The following NFIC variants were observed in gnomAD, a reference collection of about 807,000 sequenced individuals.
NFIC encodes nuclear factor 1 C-type.
Under a neutral mutation model 54.4 loss-of-function variants are expected in NFIC, and 12 were observed. That is an observed-to-expected ratio of 0.22 (90% confidence interval 0.14 to 0.36). NFIC has a LOEUF of 0.36. Among genes scored for constraint, NFIC ranks in the 10% least tolerant of loss-of-function variants. The probability of loss-of-function intolerance (pLI) is 1.00; values close to 1 mark genes in which losing one functional copy is unlikely to be tolerated. For synonymous variants in NFIC, 322 were observed against 319.2 expected (o/e 1.01, Z -0.09); for missense variants, 575 against 718.2 (o/e 0.80, Z 2.28).
chr19:3,444,752 A>T lies in NFIC; in HGVS notation c.959-4262A>T, dbSNP rs529396802. 3.9e-5 allele frequency among the ~76,000 whole-genome samples: 6 copies of T among 152,218 alleles called. No homozygotes were observed. The South Asian group carries it at 1.2e-3, about 32-fold the overall frequency. On this transcript the variant is annotated intron_variant, in intron 6 of 10. Transcript: ENST00000443272. ...TCCTAAATGAGCGTCTGACAACCCT[A>T]ACCTCGTTCCCGCCGTGGCCCTGCG...
chr19:3,422,886 G>A lies in NFIC; in HGVS notation c.563-2220G>A, dbSNP rs149434987. Among the ~76,000 whole-genome samples the A allele has an allele frequency of 9.9e-5, 15 of 151,784 alleles. No homozygotes were observed. The East Asian group carries it at 2.9e-3, about 30-fold the overall frequency. Reference sequence around the variant, plus strand: ...AGAACATTGCTCGTGGTTCTGACCCGCAGCTTTCCTTGTTTATGAAATGGA... The same window carrying A: ...AGAACATTGCTCGTGGTTCTGACCCACAGCTTTCCTTGTTTATGAAATGGA... On this transcript the variant is annotated intron_variant, in intron 2 of 10. Coordinates refer to ENST00000443272, the MANE Select transcript of NFIC (RefSeq NM_001245002.2).
In NFIC at chr19:3,431,943, T is replaced by C. The variant is rs117117143; in HGVS notation, c.635-1575T>C. Among the ~76,000 whole-genome samples, 10 of 152,340 alleles carry C rather than the reference T, an allele frequency of 6.6e-5. No individual in the cohort carries two copies. The East Asian group carries it at 1.9e-3, about 29-fold the overall frequency. ...GCTGCTAGGAACATTCGTGGACTTTTGCTGACCTATTAATCTTGGCTGCTG... is the reference window on the plus strand; with the variant it reads ...GCTGCTAGGAACATTCGTGGACTTTCGCTGACCTATTAATCTTGGCTGCTG... On this transcript the variant is annotated intron_variant, in intron 3 of 10. Transcript: ENST00000443272.
At chr19:3,430,894 T>C (rs2082108961) in intron 3 of NFIC, among the ~76,000 whole-genome samples, 1 of 141,802 alleles carries the variant, frequency 7.1e-6, no homozygotes, top group Non-Finnish European at 1.5e-5. Flanking sequence ...ATTGCGCCAC[T>C]GCACTCCAGC....
rs777713502 is a variant in NFIC at position 3,460,504 on chromosome 19, G to GT, written c.1510-2239dup. Among the ~76,000 whole-genome samples the GT allele has an allele frequency of 4.9e-3, 731 of 149,874 alleles. 3 individuals carry two copies. The highest frequency in any genetic ancestry group is 0.01 in the Middle Eastern group (3 of 292). On this transcript the variant is annotated intron_variant, in intron 10 of 10. Coordinates refer to ENST00000443272, the MANE Select transcript of NFIC (RefSeq NM_001245002.2). ...TCATTAAAGAGGAGAATTTTTTTTT[G>GT]TTTTTTTTTGGTTTTTTTGGTTTTT...
chr19:3,441,907 T>G (rs1282660824), intron 6 of NFIC, among the ~76,000 whole-genome samples: 2 of 152,264 alleles, frequency 1.3e-5, no homozygotes, highest in Admixed American at 1.3e-4. Flanking sequence ...TCCCTGCCCT[T>G]TCCAGCTTCC....
chr19:3,402,095 A>G (rs1195094146), intron 2 of NFIC, among the ~76,000 whole-genome samples: 2 of 149,926 alleles, frequency 1.3e-5, no homozygotes, highest in East Asian at 2.0e-4. Flanking sequence ...ACCCAGGCTG[A>G]AGTGCAGTGG....
At chr19:3,399,476 C>G (rs546917295) in intron 2 of NFIC, among the ~76,000 whole-genome samples, 2 of 152,044 alleles carry the variant, frequency 1.3e-5, no homozygotes, top group Admixed American at 6.6e-5. Flanking sequence ...CTCGAGAGGT[C>G]GCGGCAGGAG....
chr19:3,452,953 G>A lies in NFIC; in HGVS notation c.1269+287G>A, dbSNP rs2082491072. Among the ~76,000 whole-genome samples, 1 of 152,204 alleles carries A rather than the reference G, an allele frequency of 6.6e-6. No homozygotes were observed. Among genetic ancestry groups the A allele is most frequent in the Admixed American group, 6.5e-5 (1 of 15,280 alleles). On this transcript the variant is annotated intron_variant, in intron 8 of 10. Coordinates refer to ENST00000443272, the MANE Select transcript of NFIC (RefSeq NM_001245002.2). This position sits in a 1 kb window ranked among gnomAD's most constrained non-coding sequence, Gnocchi z 5.3. ...ACTCATGTTAACACAAGGCAGGGAG[G>A]GACTGGGCATAGCGGCTCATGCCTG... is the stretch of plus-strand genomic sequence containing the variant.
chr19:3,379,673 CTTT>C (rs370082450), intron 1 of NFIC, among the ~76,000 whole-genome samples: 19 of 102,530 alleles, frequency 1.9e-4, no homozygotes, highest in African/African-American at 8.4e-4. Flanking sequence ...TTATTTCTTT[CTTT>C]TTTTTTTTTT....
chr19:3,439,180 A>AAT (rs1483678478), intron 6 of NFIC, among the ~76,000 whole-genome samples: 25 of 150,892 alleles, frequency 1.7e-4, no homozygotes, highest in Non-Finnish European at 3.1e-4. Flanking sequence ...TAAAAAAAAA[A>AAT]AAAAAATAGC....
chr19:3,416,685 C>T (rs1040453745), intron 2 of NFIC, among the ~76,000 whole-genome samples: 3 of 151,518 alleles, frequency 2.0e-5, no homozygotes, highest in South Asian at 2.1e-4. Flanking sequence ...CCACCGTGCC[C>T]GGCTAATTTT....
rs542605486 is a variant in NFIC at position 3,378,812 on chromosome 19, T to G, written c.31-2900T>G. Among the ~76,000 whole-genome samples, 18 of 152,274 alleles carry G rather than the reference T, an allele frequency of 1.2e-4. No homozygotes were observed. The South Asian group carries it at 3.5e-3, about 30-fold the overall frequency. On this transcript the variant is annotated intron_variant, in intron 1 of 10. Transcript: ENST00000443272. Reference sequence around the variant, plus strand: ...TGTGGCTGAGCGTCTGCTTCTCTGGTCTGTTTCTGTATCAGCACAGTGGGT... The same window carrying G: ...TGTGGCTGAGCGTCTGCTTCTCTGGGCTGTTTCTGTATCAGCACAGTGGGT...
Position 3,393,261 on chromosome 19 carries a change from G to A in NFIC, c.562+11018G>A, listed in dbSNP as rs557687259. ...TTTAGGTCCGCTTGGCTGTTCCACG[G>A]CCACCTGGAGGGGAGGTAGGGCCAG... On this transcript the variant is annotated intron_variant, in intron 2 of 10. Transcript: ENST00000443272. Among the ~76,000 whole-genome samples the A allele has an allele frequency of 1.0e-3, 153 of 152,296 alleles. 1 individual carries two copies. The highest frequency in any genetic ancestry group is 3.6e-3 in the African/African-American group (148 of 41,578).
At chr19:3,366,392 CAG>C (rs1466605749), upstream of NFIC, among the ~76,000 whole-genome samples, 10 of 148,622 alleles carry the variant, frequency 6.7e-5, no homozygotes, top group Non-Finnish European at 1.5e-4. Flanking sequence ...GACAGAGAGA[CAG>C]AGACGGGGGA....
chr19:3,425,125 T>A lies in NFIC; in HGVS notation c.582T>A (p.Ser194Arg). 6.2e-7 allele frequency: 1 copy of A among 1,613,240 alleles called. No individual in the cohort carries two copies. Among genetic ancestry groups the A allele is most frequent in the Non-Finnish European group, 8.5e-7 (1 of 1,179,946 alleles). ...TTGCAGATGCAGAGCAAAGCGGCAG[T>A]CCCCGGACAGGGATGGGCTCTGACC... Reference protein sequence around the residue: ...VRERDAEQSGSPRTGMGSDQE... With the variant: ...VRERDAEQSGRPRTGMGSDQE... The change falls in exon 3 of 11, where the codon AGT (serine) becomes AGA (arginine). Residue 194 changes from serine to arginine, a missense_variant. Ser to Arg is a moderately radical substitution (Grantham distance 110, BLOSUM62 -1). Transcript: ENST00000443272.
chr19:3,424,592 G>T (rs553744852), intron 2 of NFIC, among the ~76,000 whole-genome samples: 1 of 149,540 alleles, frequency 6.7e-6, no homozygotes, highest in South Asian at 2.1e-4. Flanking sequence ...GGCCAGTCTG[G>T]TCTCAAACTC....
intron 1 of NFIC, among the ~76,000 whole-genome samples, chr19:3,360,697 C>T (rs997899791): frequency 1.6e-4 from 24 of 152,220 alleles, no homozygotes; most frequent in African/African-American, 5.5e-4. Context: ...TGTGCGGCTG[C>T]GGGACACTTG....
chr19:3,459,022 G>A lies in NFIC; in HGVS notation c.1509+2387G>A, dbSNP rs1030900819. 3.9e-5 allele frequency among the ~76,000 whole-genome samples: 6 copies of A among 152,052 alleles called. No homozygotes were observed. The highest frequency in any genetic ancestry group is 6.5e-5 in the Admixed American group (1 of 15,282). ...ACCTCCCTGCAGACCCCGGAGAGAGGGAGGGAAGAAGCAGTGAGATCCCGC... is the reference window on the plus strand; with the variant it reads ...ACCTCCCTGCAGACCCCGGAGAGAGAGAGGGAAGAAGCAGTGAGATCCCGC... On this transcript the variant is annotated intron_variant, in intron 10 of 10. Transcript: ENST00000443272. This position sits in a 1 kb window ranked among gnomAD's most constrained non-coding sequence, Gnocchi z 4.2.
At chr19:3,366,943 G>A (rs1033583303) in intron 1 of NFIC, among the ~76,000 whole-genome samples, 2 of 150,616 alleles carry the variant, frequency 1.3e-5, no homozygotes, top group African/African-American at 2.5e-5. Flanking sequence ...TGTGGGGCTT[G>A]GTCTGCAGAT....
Sources: allele counts gnomAD v4.1 joint callset (sites outside exome capture counted in the v4.1 genomes callset), GRCh38; gene constraint gnomAD v4.1.1; non-coding constraint Gnocchi (gnomAD v3.1); transcripts MANE v1.5; gene names NCBI Gene and HGNC (gene_info 2026-07-23, HGNC 2026-07-21).